ERC2: variants seen among roughly 807,000 people sequenced by gnomAD.
ERC2 encodes ERC protein 2.
ERC2 carries 42 observed loss-of-function variants against 114.8 expected under a neutral mutation model. That is an observed-to-expected ratio of 0.37 (90% CI 0.29 to 0.47). The LOEUF is 0.47. ERC2 is among the 20% of genes least tolerant of loss of function. ERC2 has a pLI of 0.99. For missense variants in ERC2, 939 were observed against 1,150.7 expected (o/e 0.82, Z 2.66); for synonymous variants, 454 against 425.5 (o/e 1.07, Z -0.82).
At chr3:55,743,593 C>CAAAAAAA (rs367859231) in intron 14 of ERC2, among the ~76,000 whole-genome samples, 24 of 97,016 alleles carry the variant, frequency 2.5e-4, no homozygotes, top group Non-Finnish European at 3.1e-4. Flanking sequence ...CCTGATCCAC[C>CAAAAAAA]AAAAAAAAAA....
chr3:56,062,724 A>C (rs1481347448), intron 7 of ERC2, among the ~76,000 whole-genome samples: 2 of 151,968 alleles, frequency 1.3e-5, no homozygotes, highest in African/African-American at 2.4e-5. Context: ...ATACCACCAG[A>C]ATTGTTGACC....
intron 14 of ERC2, among the ~76,000 whole-genome samples, chr3:55,782,621 T>C (rs908039874): frequency 2.0e-5 from 3 of 151,808 alleles, no homozygotes; most frequent in Non-Finnish European, 4.4e-5. Context: ...AGTAAGAAAA[T>C]AAAAACAAGC....
chr3:56,134,220 C>T (rs73078479), intron 6 of ERC2, among the ~76,000 whole-genome samples: 2,229 of 152,272 alleles, frequency 0.015, 23 homozygotes, highest in Middle Eastern at 0.024. Flanking sequence ...TGTCTTCTTT[C>T]CTTCCTTTAC....
intron 17 of ERC2, among the ~76,000 whole-genome samples, chr3:55,585,752 C>G (rs1486674046): frequency 6.6e-6 from 1 of 152,044 alleles, no homozygotes; most frequent in East Asian, 1.9e-4. Context: ...ATTTTTTGAC[C>G]CCAGTCCTTC....
intron 14 of ERC2, among the ~76,000 whole-genome samples, chr3:55,867,968 T>G (rs2062404200): frequency 6.6e-6 from 1 of 152,208 alleles, no homozygotes; most frequent in African/African-American, 2.4e-5. Context: ...CAGCCCATTA[T>G]ACTGTTAAAA....
rs112598622 is a variant in ERC2, at chr3:55,812,597, G to A, written c.2564+75792C>T. 4.9e-3 allele frequency among the ~76,000 whole-genome samples: 746 copies of A among 152,286 alleles called. 6 individuals carry two copies. Among genetic ancestry groups the A allele is most frequent in the African/African-American group, 0.017 (706 of 41,558 alleles). On this transcript the variant is annotated intron_variant, in intron 14 of 17. Transcript: ENST00000288221. ...ACAAGTGGGAGGAGGTATGATGAAT[G>A]AGCTTGAGAGGGCAATCAAAGAGAA... is the stretch of plus-strand genomic sequence containing the variant.
chr3:55,805,377 A>G (rs927812764), intron 14 of ERC2, among the ~76,000 whole-genome samples: 4 of 151,892 alleles, frequency 2.6e-5, no homozygotes, highest in African/African-American at 9.7e-5. Flanking sequence ...TGTTCAATAA[A>G]TATTAGTTGA....
chr3:55,518,800 G>A (rs932879667), intron 17 of ERC2, among the ~76,000 whole-genome samples: 2 of 152,208 alleles, frequency 1.3e-5, no homozygotes, highest in African/African-American at 4.8e-5. Flanking sequence ...ATAACCACAC[G>A]TTGTGTTTAG....
chr3:56,456,287 A>C (rs1264445691), intron 1 of ERC2, among the ~76,000 whole-genome samples: 1 of 152,226 alleles, frequency 6.6e-6, no homozygotes. Flanking sequence ...TATCACAATA[A>C]TCACCTATTC....
Position 55,950,531 on chromosome 3 carries a change from G to C in ERC2, c.2297C>G (p.Ala766Gly). The change falls in exon 13 of 18, where the codon GCC (alanine) becomes GGC (glycine). Residue 766 changes from alanine (A) to glycine (G), a missense_variant. Physicochemically the swap from Ala to Gly is moderately conservative, Grantham distance 60. This residue lies in a region of ERC2 where 328 missense variants were observed against 353.9 expected (regional missense o/e 0.93). Transcript: ENST00000288221. ...RHMKDQNKKV[A>G]NLKHNQQLEK... Reference sequence around the variant, plus strand: ...CAACTGTTGATTGTGCTTGAGGTTGGCCACCTTCTTATTCTGATCTTTCAT... The same window carrying C: ...CAACTGTTGATTGTGCTTGAGGTTGCCCACCTTCTTATTCTGATCTTTCAT... The C allele has an allele frequency of 6.2e-7, 1 of 1,613,924 alleles. No individual in the cohort carries two copies. The highest frequency in any genetic ancestry group is 8.5e-7 in the Non-Finnish European group (1 of 1,179,872).
At chr3:56,066,912 C>G (rs2076508031) in intron 7 of ERC2, among the ~76,000 whole-genome samples, 2 of 152,132 alleles carry the variant, frequency 1.3e-5, no homozygotes, top group African/African-American at 2.4e-5. Context: ...GTCTATGTGT[C>G]TGTTTTGGTA....
At chr3:56,375,862 G>A (rs999087592) in intron 2 of ERC2, among the ~76,000 whole-genome samples, 3 of 152,132 alleles carry the variant, frequency 2.0e-5, no homozygotes, top group Non-Finnish European at 1.5e-5. Flanking sequence ...GCTCTCTCTT[G>A]CTCAATCACT....
chr3:56,306,822 G>A (rs867137119), intron 2 of ERC2, among the ~76,000 whole-genome samples: 3 of 152,198 alleles, frequency 2.0e-5, no homozygotes, highest in Non-Finnish European at 4.4e-5. Flanking sequence ...TTCAAGCTGT[G>A]TGATCTTGAG....
At chr3:56,337,446 C>T (rs2057904300) in intron 2 of ERC2, among the ~76,000 whole-genome samples, 2 of 152,214 alleles carry the variant, frequency 1.3e-5, no homozygotes. Flanking sequence ...CAACCTCAAC[C>T]TAATCCTCAG....
At chr3:55,894,977 A>G (rs760723937) in intron 13 of ERC2, among the ~76,000 whole-genome samples, 7 of 152,200 alleles carry the variant, frequency 4.6e-5, no homozygotes, top group Non-Finnish European at 1.0e-4. Context: ...ACACATGCAC[A>G]TATACCCCTG....
intron 1 of ERC2, among the ~76,000 whole-genome samples, chr3:56,465,697 G>A (rs367637639): frequency 2.6e-5 from 4 of 152,000 alleles, no homozygotes; most frequent in East Asian, 1.9e-4. Context: ...AATTTTTATC[G>A]AGCCAAAATT....
chr3:56,229,625 A>T (rs2050474634), intron 3 of ERC2, among the ~76,000 whole-genome samples: 1 of 152,202 alleles, frequency 6.6e-6, no homozygotes, highest in African/African-American at 2.4e-5. Context: ...ATAATGAGGC[A>T]GTCCTTGCCA....
chr3:55,668,635 T>C (rs1258831983), intron 17 of ERC2, among the ~76,000 whole-genome samples: 3 of 152,234 alleles, frequency 2.0e-5, no homozygotes, highest in African/African-American at 7.2e-5. Flanking sequence ...GTTGCCCCTC[T>C]TGACCTCTGG....
chr3:56,394,374 G>T (rs1173840691), intron 2 of ERC2, among the ~76,000 whole-genome samples: 2 of 152,112 alleles, frequency 1.3e-5, no homozygotes, highest in African/African-American at 4.8e-5. Context: ...TAACATAAAA[G>T]CTACTTTACA....
Sources: gnomAD v4.1 joint callset for allele counts (sites outside exome capture counted in the v4.1 genomes callset) on GRCh38, gnomAD v4.1.1 for gene constraint, gnomAD v4.1.1 regional missense constraint, MANE v1.5 for transcripts, NCBI Gene and HGNC (gene_info 2026-07-23, HGNC 2026-07-21) for gene names.